KCNC4: variants seen among roughly 807,000 people sequenced by gnomAD.
KCNC4 encodes the protein voltage-gated potassium channel KCNC4.
KCNC4 carries 23 observed loss-of-function variants against 42.8 expected under a neutral mutation model. That is an observed-to-expected ratio of 0.54 (90% CI 0.39 to 0.76). The LOEUF (loss-of-function observed/expected upper bound fraction) is 0.76, where lower values mean the gene tolerates loss of function less well. KCNC4 is among the 30% of genes least tolerant of loss of function. KCNC4 has a pLI of 0.00. For missense variants in KCNC4, 751 were observed against 898.2 expected, an observed-to-expected ratio of 0.84 and a Z score of 2.10; for synonymous variants, 422 against 393.5, an observed-to-expected ratio of 1.07 and a Z score of -0.86.
chr1:110,250,658 G>T (rs1397876151), downstream of KCNC4, among the ~76,000 whole-genome samples: 1 of 152,218 alleles, frequency 6.6e-6, no homozygotes, highest in Non-Finnish European at 1.5e-5. Flanking sequence ...CTTCAGCACA[G>T]TTATTCCTTC....
chr1:110,211,609 A>T lies in KCNC4; in HGVS notation c.110A>T (p.Lys37Met). 6.2e-7 allele frequency: 1 copy of T among 1,614,058 alleles called. No homozygotes were observed. Among genetic ancestry groups the T allele is most frequent in the Non-Finnish European group, 8.5e-7 (1 of 1,179,966 alleles). ...ATGGCCAAGGGCGAGGCGTCGGAGAAGATCATCATCAACGTGGGCGGCACG... is the reference window on the plus strand; with the variant it reads ...ATGGCCAAGGGCGAGGCGTCGGAGATGATCATCATCAACGTGGGCGGCACG... ...EEMAKGEASE[K>M]IIINVGGTRH... The change falls in exon 1 of 4, where the codon AAG becomes ATG. Residue 37 changes from lysine to methionine, a missense_variant. Transcript: ENST00000438661. The surrounding 1 kb of genome is among the most constrained non-coding windows in gnomAD (Gnocchi z 6.5).
chr1:110,264,049 G>T (rs998128050), intron 1 of KCNC4, among the ~76,000 whole-genome samples: 4 of 152,162 alleles, frequency 2.6e-5, no homozygotes, highest in Admixed American at 2.0e-4. Flanking sequence ...CTGAACAGGT[G>T]TCTTCTGGCC....
chr1:110,215,653 G>C (rs772124097), intron 1 of KCNC4, among the ~76,000 whole-genome samples: 48 of 152,214 alleles, frequency 3.2e-4, no homozygotes, highest in Non-Finnish European at 6.3e-4. Flanking sequence ...CTCCAGGAAG[G>C]CAGCTCCAGC....
intron 3 of KCNC4, chr1:110,232,100 T>A (rs746959795): frequency 2.9e-5 from 25 of 864,128 alleles, no homozygotes; most frequent in Non-Finnish European, 4.4e-5. Flanking sequence ...ACTGGTAAGG[T>A]AGGGGAAGGA....
At chr1:110,244,154 A>G (rs894594884) in exon 4 of KCNC4, 2 of 152,142 alleles carry the variant, frequency 1.3e-5, no homozygotes, top group Non-Finnish European at 2.9e-5. Context: ...CACTTTCTAA[A>G]TGGAGGTTTA....
At chr1:110,261,484 A>G (rs1487625876) in intron 1 of KCNC4, among the ~76,000 whole-genome samples, 1 of 152,222 alleles carries the variant, frequency 6.6e-6, no homozygotes. Flanking sequence ...GATTTGCTAC[A>G]TTTTGTTGAA....
At chr1:110,232,073 G>T in intron 3 of KCNC4, 1 of 692,156 alleles carries the variant, frequency 1.4e-6, no homozygotes. Flanking sequence ...ACTCCTACCT[G>T]CCCTACCTGT....
At chr1:110,268,731 T>TTTTA (rs1557874932) in intron 1 of KCNC4, among the ~76,000 whole-genome samples, 1 of 129,318 alleles carries the variant, frequency 7.7e-6, no homozygotes, top group East Asian at 2.3e-4. Context: ...TGAGATTTTA[T>TTTTA]TTTTTTTTTT....
At chr1:110,278,104 A>G (rs1659754797) in intron 1 of KCNC4, among the ~76,000 whole-genome samples, 1 of 147,808 alleles carries the variant, frequency 6.8e-6, no homozygotes, top group African/African-American at 2.5e-5. Flanking sequence ...CTATGATCGC[A>G]TCACTACCCT....
At position 110,211,571 on chromosome 1, in the gene KCNC4, T is replaced by G. The variant is rs779660366; in HGVS notation, c.72T>G (p.Cys24Trp). 6 of 1,614,052 alleles carry G rather than the reference T, an allele frequency of 3.7e-6. No individual in the cohort carries two copies. Among genetic ancestry groups the G allele is most frequent in the Non-Finnish European group, 5.1e-6 (6 of 1,179,972 alleles). The change falls in exon 1 of 4, where the codon TGT (cysteine) becomes TGG (tryptophan). Residue 24 changes from cysteine to tryptophan, a missense_variant. By Grantham distance (215) the Cys-to-Trp change is radical. This residue lies in a region of KCNC4 where 183 missense variants were observed against 255.8 expected (regional missense o/e 0.72). Transcript: ENST00000438661. The surrounding 1 kb of genome is among the most constrained non-coding windows in gnomAD (Gnocchi z 6.5). Reference sequence around the variant, plus strand: ...GGAACAAGCCTCCGTCCAAAACATGTCTGAAGGAGGAGATGGCCAAGGGCG... The same window carrying G: ...GGAACAAGCCTCCGTCCAAAACATGGCTGAAGGAGGAGATGGCCAAGGGCG... ...KSGNKPPSKT[C>W]LKEEMAKGEA...
chr1:110,217,957 C>T (rs75047536), intron 1 of KCNC4, among the ~76,000 whole-genome samples: 2,581 of 152,258 alleles, frequency 0.017, 69 homozygotes, highest in African/African-American at 0.059. Flanking sequence ...AAGGCTCAGT[C>T]CCTCAGTCCC....
intron 1 of KCNC4, among the ~76,000 whole-genome samples, chr1:110,267,834 G>A (rs1659568243): frequency 6.6e-6 from 1 of 152,170 alleles, no homozygotes; most frequent in African/African-American, 2.4e-5. Context: ...AACTATGAGA[G>A]GAATTTGGTT....
At chr1:110,228,078 A>G (rs1200764489) in intron 3 of KCNC4, among the ~76,000 whole-genome samples, 1 of 152,168 alleles carries the variant, frequency 6.6e-6, no homozygotes, top group African/African-American at 2.4e-5. Flanking sequence ...TAACATTGCC[A>G]AACTCCCAAT....
At chr1:110,268,967 C>G (rs1431177523) in intron 1 of KCNC4, among the ~76,000 whole-genome samples, 1 of 152,034 alleles carries the variant, frequency 6.6e-6, no homozygotes, top group African/African-American at 2.4e-5. Context: ...CCGCCCGCCT[C>G]GGCCTCCCAA....
intron 1 of KCNC4, among the ~76,000 whole-genome samples, chr1:110,254,130 G>T (rs562393755): frequency 2.0e-5 from 3 of 151,684 alleles, no homozygotes; most frequent in African/African-American, 7.2e-5. Context: ...TTGCCTGCAG[G>T]GTTCCAGGAG....
rs1390543443 is a variant in KCNC4, at chr1:110,223,334, G to A, written c.1049G>A (p.Arg350His). Residue 350 changes from arginine to histidine, a missense_variant, in exon 2 of 4, where the codon CGC becomes CAC. Coordinates refer to ENST00000438661, the MANE Select transcript of KCNC4 (RefSeq NM_001039574.3). The surrounding 1 kb of genome is among the most constrained non-coding windows in gnomAD (Gnocchi z 7.5). ...GTGCTGGGCTTCCTGCGCGTGGTGC[G>A]CTTCGTGCGCATCCTGCGTATCTTC... is the stretch of plus-strand genomic sequence containing the variant. ...RDVLGFLRVV[R>H]FVRILRIFKL... is the part of the protein sequence containing the mutation. 2 of 1,613,868 alleles carry A rather than the reference G, an allele frequency of 1.2e-6. No homozygotes were observed. Among genetic ancestry groups the A allele is most frequent in the Non-Finnish European group, 8.5e-7 (1 of 1,179,980 alleles).
At chr1:110,256,307 G>T (rs1222004943) in intron 1 of KCNC4, among the ~76,000 whole-genome samples, 1 of 152,220 alleles carries the variant, frequency 6.6e-6, no homozygotes, top group Admixed American at 6.5e-5. Context: ...AACCAGAAGA[G>T]CACCCAGATC....
At chr1:110,232,335 A>G (rs369523902) in intron 3 of KCNC4, 4 of 1,608,256 alleles carry the variant, frequency 2.5e-6, no homozygotes, top group Admixed American at 1.7e-5. Context: ...ACGACATGGC[A>G]TCATACTCAG....
At chr1:110,276,994 G>A (rs1279894376) in intron 1 of KCNC4, among the ~76,000 whole-genome samples, 2 of 152,206 alleles carry the variant, frequency 1.3e-5, no homozygotes, top group Non-Finnish European at 2.9e-5. Context: ...CAGAGACTCA[G>A]ATTTTACCAA....
Sources: gnomAD v4.1 joint callset for allele counts (sites outside exome capture counted in the v4.1 genomes callset) on GRCh38, gnomAD v4.1.1 for gene constraint, gnomAD v4.1.1 regional missense constraint, Gnocchi (gnomAD v3.1) non-coding constraint, MANE v1.5 for transcripts, NCBI Gene and HGNC (gene_info 2026-07-23, HGNC 2026-07-21) for gene names.